PRKG1: variants seen among roughly 807,000 people sequenced by gnomAD.
The protein encoded by PRKG1 is protein kinase cGMP-dependent 1, also known as cGMP-dependent protein kinase 1.
Under a neutral mutation model 88.1 loss-of-function variants are expected in PRKG1, and 35 were observed. The observed-to-expected ratio is 0.40, with a 90% CI of 0.30 to 0.53. The LOEUF is 0.53. Among genes scored for constraint, PRKG1 ranks in the 20% least tolerant of loss-of-function variants. The probability of loss-of-function intolerance (pLI) is 0.59; values close to 1 mark genes in which losing one functional copy is unlikely to be tolerated. For synonymous variants in PRKG1, 303 were observed against 292.5 expected, an observed-to-expected ratio of 1.04 and a Z score of -0.37; for missense variants, 540 against 839.8, an observed-to-expected ratio of 0.64 and a Z score of 4.41.
chr10:51,712,424 G>A (rs923747422), intron 3 of PRKG1, among the ~76,000 whole-genome samples: 2 of 152,142 alleles, frequency 1.3e-5, no homozygotes, highest in African/African-American at 4.8e-5. Flanking sequence ...TTTTGGGGAA[G>A]TGTGTTCTAA....
chr10:51,873,165 T>C (rs1841203428), intron 4 of PRKG1, among the ~76,000 whole-genome samples: 1 of 152,162 alleles, frequency 6.6e-6, no homozygotes, highest in African/African-American at 2.4e-5. Context: ...ACATGATAAA[T>C]ATCATTCAAA....
At chr10:51,243,209 A>T (rs528236066) in intron 2 of PRKG1, among the ~76,000 whole-genome samples, 3 of 152,304 alleles carry the variant, frequency 2.0e-5, no homozygotes, top group East Asian at 3.9e-4. Flanking sequence ...GAGAGCCCAC[A>T]GGACACAGAC....
At chr10:51,199,157 TAC>T (rs907516267) in intron 2 of PRKG1, among the ~76,000 whole-genome samples, 1 of 152,202 alleles carries the variant, frequency 6.6e-6, no homozygotes, top group Non-Finnish European at 1.5e-5. Flanking sequence ...GCCAAATGTC[TAC>T]ACATGTTATC....
At chr10:52,102,511 G>A (rs141314314) in intron 7 of PRKG1, among the ~76,000 whole-genome samples, 88 of 151,372 alleles carry the variant, frequency 5.8e-4, no homozygotes, top group African/African-American at 1.9e-3. Context: ...TGGAGGAAAC[G>A]GTCTAGATGT....
intron 2 of PRKG1, among the ~76,000 whole-genome samples, chr10:51,202,795 A>G (rs1735348852): frequency 6.6e-6 from 1 of 152,214 alleles, no homozygotes; most frequent in African/African-American, 2.4e-5. Flanking sequence ...GTTATGATGG[A>G]GCCATAATGT....
chr10:51,828,065 CTT>C (rs1235315738), intron 4 of PRKG1, among the ~76,000 whole-genome samples: 1 of 152,008 alleles, frequency 6.6e-6, no homozygotes, highest in Non-Finnish European at 1.5e-5. Flanking sequence ...TAATTTTACT[CTT>C]ATACTGAAAA....
At chr10:51,672,189 C>CTA (rs1429359707) in intron 3 of PRKG1, among the ~76,000 whole-genome samples, 8 of 151,890 alleles carry the variant, frequency 5.3e-5, no homozygotes, top group Non-Finnish European at 1.0e-4. Flanking sequence ...ATAGTGTCTA[C>CTA]CTTTAGTCTC....
chr10:51,403,696 G>A (rs1165819131), intron 2 of PRKG1, among the ~76,000 whole-genome samples: 3 of 152,090 alleles, frequency 2.0e-5, no homozygotes. Flanking sequence ...CCAAGACAGA[G>A]CTCCCCACAG....
At chr10:51,651,616 G>T (rs1389360015) in intron 3 of PRKG1, among the ~76,000 whole-genome samples, 12 of 144,768 alleles carry the variant, frequency 8.3e-5, no homozygotes, top group African/African-American at 2.6e-4. Flanking sequence ...TCAGAGTTTT[G>T]CTCTGTCACC....
intron 4 of PRKG1, among the ~76,000 whole-genome samples, chr10:51,903,179 G>A (rs1038070448): frequency 5.9e-5 from 9 of 152,052 alleles, no homozygotes; most frequent in African/African-American, 2.2e-4. Flanking sequence ...GGCAAATGTG[G>A]GAGGGTTGTC....
chr10:51,149,551 A>C (rs1441193041), intron 1 of PRKG1, among the ~76,000 whole-genome samples: 1 of 152,152 alleles, frequency 6.6e-6, no homozygotes, highest in Non-Finnish European at 1.5e-5. Context: ...TGAACATTTG[A>C]AAGAACTATT....
At chr10:52,153,753 C>A (rs1397074558) in intron 8 of PRKG1, among the ~76,000 whole-genome samples, 1 of 151,896 alleles carries the variant, frequency 6.6e-6, no homozygotes, top group Non-Finnish European at 1.5e-5. Context: ...TTTATTCATT[C>A]ATTTATTTTG....
At chr10:51,907,461 T>A (rs773470788) in intron 4 of PRKG1, 46 bp from the exon 5 acceptor site, 1 of 1,437,524 alleles carries the variant, frequency 7.0e-7, no homozygotes, top group East Asian at 2.4e-5. Flanking sequence ...CTTATGAAAG[T>A]AAGTTGTGGT....
chr10:51,979,106 T>A (rs1843926081), intron 5 of PRKG1, among the ~76,000 whole-genome samples: 1 of 152,126 alleles, frequency 6.6e-6, no homozygotes, highest in Non-Finnish European at 1.5e-5. Flanking sequence ...TTGTCATAGA[T>A]GGCTCTTATT....
chr10:51,701,308 T>C (rs758193302), intron 3 of PRKG1, among the ~76,000 whole-genome samples: 2 of 152,174 alleles, frequency 1.3e-5, no homozygotes, highest in African/African-American at 2.4e-5. Context: ...GCAAAAAAAT[T>C]GTATTATGTA....
chr10:52,100,363 G>T (rs1415837569), intron 7 of PRKG1, among the ~76,000 whole-genome samples: 1 of 152,234 alleles, frequency 6.6e-6, no homozygotes, highest in Admixed American at 6.5e-5. Flanking sequence ...GGAGTTAGAA[G>T]CATGGCCACC....
rs146429231 is a variant in PRKG1, at chr10:51,124,978, A to C, written c.312-28186A>C. Among the ~76,000 whole-genome samples, 409 of 152,310 alleles carry C rather than the reference A, an allele frequency of 2.7e-3. 4 individuals are homozygous for C. Among genetic ancestry groups the C allele is most frequent in the African/African-American group, 9.2e-3 (383 of 41,566 alleles). ...ATGTATTTTACCTTGTTTAATTTTCATATCAACCCTGAGTCAACTTAGACA... is the reference window on the plus strand; with the variant it reads ...ATGTATTTTACCTTGTTTAATTTTCCTATCAACCCTGAGTCAACTTAGACA... On this transcript the variant is annotated intron_variant, in intron 1 of 17. Coordinates refer to ENST00000373980, the MANE Select transcript of PRKG1 (RefSeq NM_006258.4).
rs543161960 is a variant in PRKG1 at position 51,502,744 on chromosome 10, G to A, written c.592+34908G>A. The stretch of plus-strand genomic sequence containing the variant: ...ATGTCTTTTTGAGTTATTACCAGCA[G>A]ATGGTATATCATGCATTTTGAAATG... On this transcript the variant is annotated intron_variant, in intron 3 of 17. Transcript: ENST00000373980. Among the ~76,000 whole-genome samples, 20 of 152,236 alleles carry A rather than the reference G, an allele frequency of 1.3e-4. No homozygotes were observed. The South Asian group carries it at 4.2e-3, about 32-fold the overall frequency.
At chr10:51,221,537 C>T (rs989533131) in intron 2 of PRKG1, among the ~76,000 whole-genome samples, 2 of 151,446 alleles carry the variant, frequency 1.3e-5, no homozygotes, top group African/African-American at 4.9e-5. Flanking sequence ...GGCTTAGAGG[C>T]CAGTCTTTTT....
Sources: gnomAD v4.1 joint callset for allele counts (sites outside exome capture counted in the v4.1 genomes callset) on GRCh38, gnomAD v4.1.1 for gene constraint, MANE v1.5 for transcripts, NCBI Gene and HGNC (gene_info 2026-07-23, HGNC 2026-07-21) for gene names.